Variants in ZMYND11 observed in about 807,000 individuals in gnomAD.
ZMYND11 encodes zinc finger MYND domain-containing protein 11.
Under a neutral mutation model 84.9 loss-of-function variants are expected in ZMYND11, and 9 were observed. The ratio of observed to expected loss-of-function variants is 0.11; its 90% CI spans 0.06 to 0.18. The LOEUF (loss-of-function observed/expected upper bound fraction) is 0.18. Among genes scored for constraint, ZMYND11 ranks in the 10% least tolerant of loss-of-function variants. The pLI is 1.00. For missense variants in ZMYND11, 409 were observed against 761.0 expected (o/e 0.54, Z 5.44); for synonymous variants, 250 against 244.1 (o/e 1.02, Z -0.23).
chr10:188,575 G>A (rs1235403093), intron 2 of ZMYND11, among the ~76,000 whole-genome samples: 2 of 136,926 alleles, frequency 1.5e-5, no homozygotes, highest in Non-Finnish European at 1.5e-5. Context: ...CTGGGCAACA[G>A]AGTGAGACCC....
At chr10:157,804 A>G (rs1229201620) in intron 1 of ZMYND11, among the ~76,000 whole-genome samples, 1 of 152,198 alleles carries the variant, frequency 6.6e-6, no homozygotes, top group East Asian at 1.9e-4. Context: ...TGTAGCCGTT[A>G]CCACCGTCTA....
At chr10:215,002 C>T (rs1206878837) in intron 3 of ZMYND11, among the ~76,000 whole-genome samples, 1 of 152,160 alleles carries the variant, frequency 6.6e-6, no homozygotes, top group Non-Finnish European at 1.5e-5. Context: ...AGGCAGGTCA[C>T]CTTAAATGAT....
intron 2 of ZMYND11, among the ~76,000 whole-genome samples, chr10:182,527 C>G (rs1848098058): frequency 6.6e-6 from 1 of 152,106 alleles, no homozygotes; most frequent in Non-Finnish European, 1.5e-5. Context: ...AAGAAAGAAT[C>G]AGAGGTTAAG....
chr10:246,949 T>A lies in ZMYND11; in HGVS notation c.1134T>A (p.Ser378Arg). ...GAGGTGAGGAAGAGGCAGAATCCAGTATCTCCTCCACCAGTAATGAGCAGG... is the reference window on the plus strand; with the variant it reads ...GAGGTGAGGAAGAGGCAGAATCCAGAATCTCCTCCACCAGTAATGAGCAGG... ...EDRGEEEAES[S>R]ISSTSNEQLK... The change falls in exon 11 of 15, where the codon AGT becomes AGA. Residue 378 changes from serine to arginine, a missense_variant. Ser to Arg is a moderately radical substitution (Grantham distance 110). This residue lies in a region of ZMYND11 where 19 missense variants were observed against 60.5 expected (regional missense o/e 0.31). Coordinates refer to ENST00000381604, the MANE Select transcript of ZMYND11 (RefSeq NM_001370100.5). 1 of 1,609,628 alleles carries A rather than the reference T, an allele frequency of 6.2e-7. No homozygotes were observed. The highest frequency in any genetic ancestry group is 8.5e-7 in the Non-Finnish European group (1 of 1,177,964).
upstream of ZMYND11, chr10:135,314 C>T (rs1554751590): frequency 6.6e-6 from 1 of 150,984 alleles, no homozygotes; most frequent in Non-Finnish European, 1.5e-5. The surrounding 1 kb of genome is among the most constrained non-coding windows in gnomAD (Gnocchi z 5.6). Flanking sequence ...TGGAGTATTA[C>T]AAACATGGCG....
At position 240,056 on chromosome 10, in the gene ZMYND11, C is replaced by T; in HGVS notation, c.698C>T (p.Ala233Val). The change falls in exon 8 of 15, where the codon GCA (alanine) becomes GTA (valine). Residue 233 changes from alanine (A) to valine (V), a missense_variant and splice_region_variant. This residue lies in a region of ZMYND11 where 59 missense variants were observed against 151.0 expected (regional missense o/e 0.39). Transcript: ENST00000381604. ...AGGTAATATCTATTTTTAATTACAG[C>T]AGACAGTGAGCAAGCTGACATTGCG... ...LLHNTVIFYG[A>V]DSEQADIARM... 1 of 1,610,272 alleles carries T rather than the reference C, an allele frequency of 6.2e-7. No individual in the cohort carries two copies. Among genetic ancestry groups the T allele is most frequent in the East Asian group, 2.2e-5 (1 of 44,762 alleles).
chr10:134,854 A>G (rs1835504491), upstream of ZMYND11: 1 of 151,916 alleles, frequency 6.6e-6, no homozygotes, highest in South Asian at 2.1e-4. Context: ...TGCTCCAACA[A>G]ATTTCGGATA....
intron 2 of ZMYND11, among the ~76,000 whole-genome samples, chr10:190,595 G>T (rs1460461152): frequency 6.6e-6 from 1 of 152,036 alleles, no homozygotes; most frequent in African/African-American, 2.4e-5. Flanking sequence ...ATTCTCTTTT[G>T]ATTTCCTCAT....
rs1013900385 is a variant in ZMYND11 at position 241,909 on chromosome 10, G to C, written c.832-112G>C. 7.5e-6 allele frequency: 10 copies of C among 1,339,010 alleles called. No individual in the cohort carries two copies. The African/African-American group carries it at 1.5e-4, about 20-fold the overall frequency. 82.9% of individuals were successfully genotyped at this position (1,339,010 alleles called of 1,614,324 possible). A position where few individuals can be genotyped will look rare whatever the true frequency, so the allele number is the denominator to read the frequency against. On this transcript the variant is annotated intron_variant, in intron 9 of 14. Coordinates refer to ENST00000381604, the MANE Select transcript of ZMYND11 (RefSeq NM_001370100.5). ...AATCTCGTATGTGTTTAGGAGTTATGAAAGAAATATTTTAGAAATAATGGA... is the reference window on the plus strand; with the variant it reads ...AATCTCGTATGTGTTTAGGAGTTATCAAAGAAATATTTTAGAAATAATGGA...
At position 148,269 on chromosome 10, in the gene ZMYND11, TC is replaced by T. The variant is rs1554755951; in HGVS notation, c.-20+12712del. On this transcript the variant is annotated intron_variant, in intron 1 of 14. Coordinates refer to ENST00000381604, the MANE Select transcript of ZMYND11 (RefSeq NM_001370100.5). ...TAACTTCCTTTGCTCTGGGAAGAAG[TC>T]CTAACTTCCTTTGCTCTGGGAAGAA... The T allele has an allele frequency of 1.8e-3, 276 of 150,158 alleles. 2 individuals are homozygous for T. The highest frequency in any genetic ancestry group is 6.8e-3 in the Middle Eastern group (2 of 292). 9.3% of individuals were successfully genotyped at this position (150,158 alleles called of 1,614,324 possible).
rs769807650 is a variant in ZMYND11 at position 246,758 on chromosome 10, T to C, written c.951-8T>C. 19 of 1,613,822 alleles carry C rather than the reference T, an allele frequency of 1.2e-5. No individual in the cohort carries two copies. The highest frequency in any genetic ancestry group is 5.1e-6 in the Non-Finnish European group (6 of 1,179,894). ...GTTTCTAACTATACCTTTATGTGTTTTTCCTAGGGCCTGGATTCCTTCTGA... is the reference window on the plus strand; with the variant it reads ...GTTTCTAACTATACCTTTATGTGTTCTTCCTAGGGCCTGGATTCCTTCTGA... On this transcript the variant is annotated splice_polypyrimidine_tract_variant and splice_region_variant and intron_variant, in intron 10 of 14. Transcript: ENST00000381604.
chr10:244,199 T>TA (rs2131860650), intron 10 of ZMYND11, among the ~76,000 whole-genome samples: 1 of 152,346 alleles, frequency 6.6e-6, no homozygotes, highest in South Asian at 2.1e-4. Context: ...TTGATACAAT[T>TA]ATAATCATGA....
chr10:149,671 G>C (rs1554756418), intron 1 of ZMYND11, among the ~76,000 whole-genome samples: 1 of 152,140 alleles, frequency 6.6e-6, no homozygotes, highest in African/African-American at 2.4e-5. Flanking sequence ...ATATTAAATT[G>C]TGGGTATGTT....
intron 1 of ZMYND11, among the ~76,000 whole-genome samples, chr10:176,156 A>G (rs1281459903): frequency 6.6e-5 from 10 of 152,058 alleles, no homozygotes; most frequent in African/African-American, 1.2e-4. Flanking sequence ...AGTAGTGTGG[A>G]TATAAAGTGA....
At chr10:235,201 A>G (rs180989525) in intron 4 of ZMYND11, among the ~76,000 whole-genome samples, 220 of 151,978 alleles carry the variant, frequency 1.4e-3, no homozygotes, top group African/African-American at 4.6e-3. Context: ...AATGCTGCTG[A>G]CTAAACAAAT....
intron 3 of ZMYND11, 145 bp downstream of exon 3, chr10:210,193 T>A: frequency 1.2e-6 from 1 of 845,072 alleles, no homozygotes; most frequent in Non-Finnish European, 1.8e-6. Flanking sequence ...ACATTGGTAG[T>A]ATGGATACTT....
At chr10:205,062 T>G (rs1943892962) in intron 2 of ZMYND11, among the ~76,000 whole-genome samples, 1 of 152,094 alleles carries the variant, frequency 6.6e-6, no homozygotes, top group South Asian at 2.1e-4. Context: ...TGGAGTTACC[T>G]GGTCATTATA....
At chr10:139,020 G>A (rs189690280) in intron 1 of ZMYND11, among the ~76,000 whole-genome samples, 8 of 151,710 alleles carry the variant, frequency 5.3e-5, no homozygotes, top group Non-Finnish European at 7.4e-5. Context: ...TCACCATGCC[G>A]GTCTTAAACT....
At chr10:218,960 A>G (rs866727874) in intron 3 of ZMYND11, among the ~76,000 whole-genome samples, 1 of 152,196 alleles carries the variant, frequency 6.6e-6, no homozygotes, top group African/African-American at 2.4e-5. Flanking sequence ...CATGTTTTGC[A>G]TATTCTGAAC....
Sources: gnomAD v4.1 joint callset for allele counts (sites outside exome capture counted in the v4.1 genomes callset) on GRCh38, gnomAD v4.1.1 for gene constraint, gnomAD v4.1.1 regional missense constraint, Gnocchi (gnomAD v3.1) non-coding constraint, MANE v1.5 for transcripts, NCBI Gene and HGNC (gene_info 2026-07-23, HGNC 2026-07-21) for gene names.